Variants in CNGA3 observed in about 807,000 individuals in gnomAD.
CNGA3 encodes cyclic nucleotide-gated channel alpha-3.
CNGA3 carries 42 observed loss-of-function variants against 46.6 expected under a neutral mutation model. That is an observed-to-expected ratio of 0.90 (90% CI 0.70 to 1.17). The LOEUF (loss-of-function observed/expected upper bound fraction) is 1.17. CNGA3 is among the 50% of genes most tolerant of loss of function. The pLI is 0.00. For synonymous variants in CNGA3, 394 were observed against 369.4 expected (o/e 1.07, Z -0.76); for missense variants, 893 against 890.7 (o/e 1.00, Z -0.03).
intron 6 of CNGA3, among the ~76,000 whole-genome samples, chr2:98,391,312 TCTC>T (rs1692781889): frequency 1.3e-5 from 2 of 151,602 alleles, no homozygotes; most frequent in African/African-American, 2.4e-5. Flanking sequence ...TGGGCACTGT[TCTC>T]CTTCAGGTGG....
intron 1 of CNGA3, among the ~76,000 whole-genome samples, chr2:98,360,873 C>T (rs1426549689): frequency 6.6e-6 from 1 of 152,048 alleles, no homozygotes; most frequent in African/African-American, 2.4e-5. Flanking sequence ...ACCTCAGAGA[C>T]TCTCATGTTA....
intron 7 of CNGA3, 45 bp downstream of exon 7, chr2:98,392,015 G>A (rs776385883): frequency 1.3e-6 from 2 of 1,549,238 alleles, no homozygotes; most frequent in Non-Finnish European, 1.8e-6. Flanking sequence ...GCCCCCACGG[G>A]AGTGTTCCGG....
intron 1 of CNGA3, among the ~76,000 whole-genome samples, chr2:98,349,223 A>G (rs921508514): frequency 3.3e-5 from 5 of 152,168 alleles, no homozygotes; most frequent in African/African-American, 1.2e-4. Context: ...CAGGAGGCAC[A>G]AGATGGGCTT....
At chr2:98,392,106 G>T in intron 7 of CNGA3, 136 bp downstream of exon 7, 1 of 759,994 alleles carries the variant, frequency 1.3e-6, no homozygotes, top group Non-Finnish European at 2.3e-6. Flanking sequence ...CGACAGTGAG[G>T]GTAGGTGGTG....
At chr2:98,359,759 C>A (rs1691981316) in intron 1 of CNGA3, among the ~76,000 whole-genome samples, 1 of 152,196 alleles carries the variant, frequency 6.6e-6, no homozygotes, top group Non-Finnish European at 1.5e-5. Context: ...GGCTCTGTCT[C>A]CCCCACCCCC....
intron 2 of CNGA3, among the ~76,000 whole-genome samples, chr2:98,371,185 G>A (rs950270032): frequency 1.3e-5 from 2 of 152,108 alleles, no homozygotes; most frequent in African/African-American, 4.8e-5. Flanking sequence ...TCTTTCCAAT[G>A]TTTCTGTTAT....
intron 3 of CNGA3, 48 bp from the exon 4 acceptor site, chr2:98,380,126 TG>T (rs771626009): frequency 5.0e-6 from 8 of 1,604,000 alleles, no homozygotes; most frequent in Middle Eastern, 2.0e-4. Flanking sequence ...TTTGGGGGTG[TG>T]GGGGGCTTTT....
At chr2:98,349,147 G>A (rs72819925) in intron 1 of CNGA3, among the ~76,000 whole-genome samples, 19,195 of 152,142 alleles carry the variant, frequency 0.13, 1,807 homozygotes, top group Non-Finnish European at 0.19. Context: ...TGCATCATGG[G>A]GGGAGTCCAC....
At position 98,396,771 on chromosome 2, in the gene CNGA3, G is replaced by A; in HGVS notation, c.1601G>A (p.Gly534Glu). Residue 534 changes from glycine (G) to glutamate (E), a missense_variant, in exon 8 of 8, where the codon GGG (glycine) becomes GAG (glutamate). Coordinates refer to ENST00000272602, the MANE Select transcript of CNGA3 (RefSeq NM_001298.3). ...EGKLAVVADD[G>E]VTQFVVLSDG... The stretch of plus-strand genomic sequence containing the variant: ...AAGCTGGCCGTGGTGGCTGATGATG[G>A]GGTCACCCAGTTCGTGGTCCTCAGC... 6.2e-7 allele frequency: 1 copy of A among 1,614,170 alleles called. No individual in the cohort carries two copies. The highest frequency in any genetic ancestry group is 8.5e-7 in the Non-Finnish European group (1 of 1,180,040).
intron 1 of CNGA3, among the ~76,000 whole-genome samples, chr2:98,364,906 A>C (rs1041668925): frequency 6.6e-6 from 1 of 152,116 alleles, no homozygotes; most frequent in Non-Finnish European, 1.5e-5. Context: ...CTGGGTTGCA[A>C]ATTCTTTTCT....
At chr2:98,366,056 G>A (rs1480264398) in intron 1 of CNGA3, among the ~76,000 whole-genome samples, 4 of 151,980 alleles carry the variant, frequency 2.6e-5, no homozygotes, top group Non-Finnish European at 5.9e-5. Flanking sequence ...GGTCTTTGAG[G>A]CTGCTGACAT....
At chr2:98,352,604 TG>T (rs749250434) in intron 1 of CNGA3, among the ~76,000 whole-genome samples, 14 of 152,194 alleles carry the variant, frequency 9.2e-5, no homozygotes, top group Non-Finnish European at 1.9e-4. Context: ...ACATTATTTC[TG>T]GGGGTGTCTG....
chr2:98,378,857 G>A (rs1346497318), intron 3 of CNGA3, among the ~76,000 whole-genome samples: 1 of 152,226 alleles, frequency 6.6e-6, no homozygotes, highest in Admixed American at 6.5e-5. Flanking sequence ...ATTTTCTCAT[G>A]GAGTTTCATG....
chr2:98,380,359 G>T lies in CNGA3; in HGVS notation c.395+5G>T, dbSNP rs751646027. The T allele has an allele frequency of 6.2e-7, 1 of 1,613,468 alleles. No individual in the cohort carries two copies. Among genetic ancestry groups the T allele is most frequent in the East Asian group, 2.2e-5 (1 of 44,874 alleles). Reference sequence around the variant, plus strand: ...GCCAGCAGACAGAGGGAGAAGGTAAGGAACGGAAAAGAAGAAGGGGCCTCT... The same window carrying T: ...GCCAGCAGACAGAGGGAGAAGGTAATGAACGGAAAAGAAGAAGGGGCCTCT... On this transcript the variant is annotated splice_donor_5th_base_variant and intron_variant, in intron 4 of 7. Coordinates refer to ENST00000272602, the MANE Select transcript of CNGA3 (RefSeq NM_001298.3).
At chr2:98,352,545 G>T (rs926236588) in intron 1 of CNGA3, among the ~76,000 whole-genome samples, 5 of 152,134 alleles carry the variant, frequency 3.3e-5, no homozygotes, top group African/African-American at 1.2e-4. Context: ...TGTGGAAAAT[G>T]GTTAATTGTA....
intron 2 of CNGA3, among the ~76,000 whole-genome samples, chr2:98,376,151 C>T (rs563194236): frequency 2.0e-5 from 3 of 152,276 alleles, no homozygotes; most frequent in East Asian, 1.9e-4. Flanking sequence ...AGCCGGGGTC[C>T]TCTGGCTGGC....
intron 2 of CNGA3, among the ~76,000 whole-genome samples, chr2:98,372,762 C>T (rs1168280968): frequency 6.6e-6 from 1 of 152,116 alleles, no homozygotes; most frequent in African/African-American, 2.4e-5. Flanking sequence ...GACTCCCACT[C>T]CCGGTCTTGG....
In CNGA3 at chr2:98,351,698, T is replaced by C. The variant is rs146476080; in HGVS notation, c.-38+5164T>C. Among the ~76,000 whole-genome samples, 508 of 152,338 alleles carry C rather than the reference T, an allele frequency of 3.3e-3. 3 individuals are homozygous for C. The highest frequency in any genetic ancestry group is 0.011 in the African/African-American group (476 of 41,574). ...TAAAAAGTTATAGAGCAGTGACTGG[T>C]ATAATGTAAGCCCTCAAAAATGTGA... On this transcript the variant is annotated intron_variant, in intron 1 of 7. Transcript: ENST00000272602.
chr2:98,365,741 A>G (rs561797865), intron 1 of CNGA3, among the ~76,000 whole-genome samples: 70 of 152,258 alleles, frequency 4.6e-4, no homozygotes, highest in African/African-American at 1.5e-3. Flanking sequence ...GTTTTTCAGA[A>G]CCATCAGGTC....
Sources: allele counts gnomAD v4.1 joint callset (sites outside exome capture counted in the v4.1 genomes callset), GRCh38; gene constraint gnomAD v4.1.1; transcripts MANE v1.5; gene names NCBI Gene and HGNC (gene_info 2026-07-23, HGNC 2026-07-21).